SLC25A23: variants seen among roughly 807,000 people sequenced by gnomAD.
The protein encoded by SLC25A23 is mitochondrial adenyl nucleotide antiporter SLC25A23.
Under a neutral mutation model 53.9 loss-of-function variants are expected in SLC25A23, and 32 were observed. The observed-to-expected ratio is 0.59, with a 90% confidence interval of 0.45 to 0.80. The LOEUF (loss-of-function observed/expected upper bound fraction) is 0.80. SLC25A23 is among the 30% of genes least tolerant of loss of function. The pLI is 0.00. For synonymous variants in SLC25A23, 275 were observed against 264.5 expected, an observed-to-expected ratio of 1.04 and a Z score of -0.38; for missense variants, 575 against 651.4, an observed-to-expected ratio of 0.88 and a Z score of 1.28.
intron 8 of SLC25A23, among the ~76,000 whole-genome samples, chr19:6,451,848 T>TTTTTTGG (rs1271042073): frequency 6.7e-6 from 1 of 150,264 alleles, no homozygotes; most frequent in African/African-American, 2.5e-5. Flanking sequence ...TTTTTTTTTT[T>TTTTTTGG]GAGAAGGAGT....
chr19:6,443,233 CT>C lies in SLC25A23; in HGVS notation c.1222+917del, dbSNP rs1474417618. On this transcript the variant is annotated intron_variant, in intron 9 of 9. Transcript: ENST00000301454. ...GGATGGCAGGCGTGAGCCACTACCC[CT>C]GGCTCCCACCCACTTTTTTGAGACA... 7.2e-5 allele frequency among the ~76,000 whole-genome samples: 11 copies of C among 152,192 alleles called. No homozygotes were observed. The East Asian group carries it at 1.5e-3, about 21-fold the overall frequency.
At chr19:6,458,372 A>G (rs2092713096) in intron 1 of SLC25A23, 48 bp from the exon 2 acceptor site, 2 of 1,595,086 alleles carry the variant, frequency 1.3e-6, no homozygotes, top group Non-Finnish European at 1.7e-6. Context: ...CCTGCTCCTG[A>G]TCTGGAGGGG....
intron 3 of SLC25A23, 117 bp downstream of exon 3, chr19:6,457,386 G>T: frequency 2.2e-6 from 2 of 918,218 alleles, no homozygotes; most frequent in Non-Finnish European, 3.4e-6. Flanking sequence ...TGACTTCAAA[G>T]CCCCAACCTC....
chr19:6,452,622 C>T, intron 7 of SLC25A23, 143 bp from the exon 8 acceptor site: 1 of 974,726 alleles, frequency 1.0e-6, no homozygotes, highest in Non-Finnish European at 1.5e-6. Flanking sequence ...CTAGAATCTT[C>T]TGCTATCCCC....
intron 4 of SLC25A23, chr19:6,456,124 C>G (rs1359688916): frequency 7.1e-7 from 1 of 1,415,494 alleles, no homozygotes; most frequent in Non-Finnish European, 9.3e-7. Context: ...GGCCTTGTAC[C>G]CCATCTGGTG....
Position 6,441,852 on chromosome 19 carries a change from A to C in SLC25A23, c.*123T>G, listed in dbSNP as rs1279776017. 1 of 875,724 alleles carries C rather than the reference A, an allele frequency of 1.1e-6. No individual in the cohort carries two copies. Among genetic ancestry groups the C allele is most frequent in the African/African-American group, 1.9e-5 (1 of 54,006 alleles). The allele number at this position is 875,724 out of a possible 1,614,324, so 54.2% of individuals were successfully genotyped here. On this transcript the variant is annotated 3_prime_UTR_variant, in exon 10 of 10. Coordinates refer to ENST00000301454, the MANE Select transcript of SLC25A23 (RefSeq NM_024103.3). ...CCCAATGGTTGGGGCATAGGAGTCT[A>C]GGATCCAGGATCTGGGTACTGGGAT... is the stretch of plus-strand genomic sequence containing the variant.
At position 6,442,031 on chromosome 19, in the gene SLC25A23, T is replaced by C. The variant is rs1438551271; in HGVS notation, c.1351A>G (p.Ile451Val). 6.2e-7 allele frequency: 1 copy of C among 1,613,740 alleles called. No homozygotes were observed. The highest frequency in any genetic ancestry group is 8.5e-7 in the Non-Finnish European group (1 of 1,179,884). Residue 451 changes from isoleucine to valine, a missense_variant, in exon 10 of 10, where the codon ATC becomes GTC. Physicochemically the swap from Ile to Val is conservative, Grantham distance 29 (BLOSUM62 3). Coordinates refer to ENST00000301454, the MANE Select transcript of SLC25A23 (RefSeq NM_024103.3). ...ATGTTCTCGTAGACCACATAGGAGA[T>C]GCTCACAGCTGGAATAACCTTCATG... ...NFMKVIPAVS[I>V]SYVVYENMKQ...
chr19:6,450,736 C>T (rs76889336), intron 8 of SLC25A23, among the ~76,000 whole-genome samples: 1,842 of 152,248 alleles, frequency 0.012, 41 homozygotes, highest in African/African-American at 0.043. Context: ...GAATCAGCTA[C>T]ATAATTTGCA....
At chr19:6,457,264 A>G (rs149963200) in intron 3 of SLC25A23, among the ~76,000 whole-genome samples, 1,687 of 150,996 alleles carry the variant, frequency 0.011, 27 homozygotes, top group African/African-American at 0.039. Flanking sequence ...ATGGGGTTTT[A>G]CCATGTTGGC....
At chr19:6,442,574 G>A (rs1255881088) in intron 9 of SLC25A23, among the ~76,000 whole-genome samples, 1 of 152,126 alleles carries the variant, frequency 6.6e-6, no homozygotes, top group Non-Finnish European at 1.5e-5. Context: ...TTTAGACGGA[G>A]TTTCGCTCTT....
At chr19:6,455,707 GTTTTTTTTTTTTTTTT>G (rs529957147) in intron 4 of SLC25A23, among the ~76,000 whole-genome samples, 1 of 124,966 alleles carries the variant, frequency 8.0e-6, no homozygotes, top group Admixed American at 8.8e-5. Flanking sequence ...TGAAGACCGT[GTTTTTTTTTTTTTTTT>G]TTTTTTTTTT....
Position 6,441,308 on chromosome 19 carries a change from G to A in SLC25A23, c.*667C>T, listed in dbSNP as rs1164927592. 1 of 152,636 alleles carries A rather than the reference G, an allele frequency of 6.6e-6. No homozygotes were observed. The highest frequency in any genetic ancestry group is 1.9e-4 in the East Asian group (1 of 5,190). 9.5% of individuals were successfully genotyped at this position (152,636 alleles called of 1,614,324 possible). ...CAGGATCCAGGCATTGTGGTTGTCA[G>A]GATCCAGTGGTGAGGTTTGTTGACA... On this transcript the variant is annotated 3_prime_UTR_variant, in exon 10 of 10. Coordinates refer to ENST00000301454, the MANE Select transcript of SLC25A23 (RefSeq NM_024103.3).
chr19:6,457,085 A>G (rs2145076412), intron 3 of SLC25A23, among the ~76,000 whole-genome samples: 1 of 140,662 alleles, frequency 7.1e-6, no homozygotes, highest in African/African-American at 2.7e-5. Context: ...TTTTTTTTCC[A>G]GAAGGAGTCT....
intron 4 of SLC25A23, among the ~76,000 whole-genome samples, chr19:6,455,170 G>C (rs767769769): frequency 6.6e-6 from 1 of 152,102 alleles, no homozygotes; most frequent in Non-Finnish European, 1.5e-5. Flanking sequence ...TACTCAGGAG[G>C]CCAAGATGGG....
chr19:6,441,877 T>C lies in SLC25A23; in HGVS notation c.*98A>G. On this transcript the variant is annotated 3_prime_UTR_variant, in exon 10 of 10. Transcript: ENST00000301454. ...AGGATCCAGGATCTGGGTACTGGGA[T>C]CTCGTGGCCAAAGAGTAGGGATCCT... 7 of 1,151,872 alleles carry C rather than the reference T, an allele frequency of 6.1e-6. No homozygotes were observed. Among genetic ancestry groups the C allele is most frequent in the Non-Finnish European group, 8.8e-6 (7 of 791,470 alleles). 71.4% of individuals were successfully genotyped at this position (1,151,872 alleles called of 1,614,324 possible).
chr19:6,436,097 T>C, downstream of SLC25A23: 1 of 205,608 alleles, frequency 4.9e-6, no homozygotes, highest in South Asian at 8.4e-5. Context: ...TAGGTATATA[T>C]GTATTAGCCA....
chr19:6,456,462 C>T lies in SLC25A23; in HGVS notation c.441G>A (p.Leu147=), dbSNP rs762672435. The change falls in exon 4 of 10, where the codon CTG becomes CTA. Residue 147 remains leucine, a synonymous_variant. Transcript: ENST00000301454. ...EWRDHFLLHS[L]ENVEDVLYFW... is the part of the protein sequence containing the mutation. ...AATACAGCACGTCCTCCACATTTTC[C>T]AGCGAATGCAACAGGAAGTGGTCGC... The T allele has an allele frequency of 9.3e-6, 15 of 1,614,000 alleles. No homozygotes were observed. The Middle Eastern group carries it at 4.9e-4, about 53-fold the overall frequency.
chr19:6,454,862 T>G lies in SLC25A23; in HGVS notation c.484-145A>C. 1.1e-6 allele frequency: 1 copy of G among 924,894 alleles called. No individual in the cohort carries two copies. The highest frequency in any genetic ancestry group is 1.7e-5 in the South Asian group (1 of 58,744). 57.3% of individuals were successfully genotyped at this position (924,894 alleles called of 1,614,324 possible). On this transcript the variant is annotated intron_variant, in intron 4 of 9. Transcript: ENST00000301454. The surrounding 1 kb of genome is among the most constrained non-coding windows in gnomAD (Gnocchi z 4.3). ...TTGCTTGGAGACCCCAGAAGAGTCC[T>G]GTTGGGTCCTACCAGGTGTCACCAA...
chr19:6,456,447 G>C lies in SLC25A23; in HGVS notation c.456C>G (p.Asp152Glu). ...FLLHSLENVE[D>E]VLYFWKHSTV... ...TGGAATGCTTCCAGAAATACAGCAC[G>C]TCCTCCACATTTTCCAGCGAATGCA... is the stretch of plus-strand genomic sequence containing the variant. The change falls in exon 4 of 10, where the codon GAC (aspartate) becomes GAG (glutamate). Residue 152 changes from aspartate (D) to glutamate (E), a missense_variant. Transcript: ENST00000301454. The C allele has an allele frequency of 6.2e-7, 1 of 1,613,994 alleles. No homozygotes were observed. Among genetic ancestry groups the C allele is most frequent in the Non-Finnish European group, 8.5e-7 (1 of 1,180,006 alleles).
Sources: allele counts gnomAD v4.1 joint callset (sites outside exome capture counted in the v4.1 genomes callset), GRCh38; gene constraint gnomAD v4.1.1; non-coding constraint Gnocchi (gnomAD v3.1); transcripts MANE v1.5; gene names NCBI Gene and HGNC (gene_info 2026-07-23, HGNC 2026-07-21).